The following IL1R1 variants were observed in gnomAD, a reference collection of about 807,000 sequenced individuals.
IL1R1 encodes interleukin 1 receptor type 1, also known as interleukin-1 receptor type 1.
In IL1R1, 22 loss-of-function variants were observed where a neutral mutation model predicts 50.2. The observed-to-expected ratio is 0.44, with a 90% CI of 0.31 to 0.63. The LOEUF is 0.63. Ranked by LOEUF, IL1R1 falls within the 20% of genes least tolerant of loss-of-function variation. IL1R1 has a pLI of 0.07. For synonymous variants in IL1R1, 251 were observed against 236.7 expected, an observed-to-expected ratio of 1.06 and a Z score of -0.55; for missense variants, 509 against 676.2, an observed-to-expected ratio of 0.75 and a Z score of 2.74.
intron 1 of IL1R1, among the ~76,000 whole-genome samples, chr2:102,075,118 T>C (rs981634618): frequency 1.3e-5 from 2 of 152,192 alleles, no homozygotes; most frequent in African/African-American, 4.8e-5. Context: ...CTTTAATCAG[T>C]TATGTGACAT....
intron 1 of IL1R1, among the ~76,000 whole-genome samples, chr2:102,085,057 T>C (rs536470123): frequency 1.3e-5 from 2 of 152,348 alleles, no homozygotes; most frequent in East Asian, 3.9e-4. Flanking sequence ...GTTCAACCTT[T>C]TGTTTGTATT....
At chr2:102,119,017 C>CAAAAA (rs56327525) in intron 1 of IL1R1, among the ~76,000 whole-genome samples, 34 of 74,036 alleles carry the variant, frequency 4.6e-4, no homozygotes, top group East Asian at 8.0e-4. Flanking sequence ...GACTGTGTCT[C>CAAAAA]AAAAAAAAAA....
At chr2:102,155,716 C>T (rs1684122895) in intron 2 of IL1R1, among the ~76,000 whole-genome samples, 1 of 152,182 alleles carries the variant, frequency 6.6e-6, no homozygotes, top group African/African-American at 2.4e-5. Context: ...CAGAAGTAAA[C>T]TTGGACCCAG....
At chr2:102,146,302 C>A (rs1683117129) in intron 1 of IL1R1, among the ~76,000 whole-genome samples, 1 of 152,062 alleles carries the variant, frequency 6.6e-6, no homozygotes, top group Non-Finnish European at 1.5e-5. Context: ...CCCCTTAATG[C>A]AAATATTTTA....
At position 102,179,106 on chromosome 2, in the gene IL1R1, C is replaced by A. The variant is rs917413765; in HGVS notation, c.*2347C>A. 2 of 152,284 alleles carry A rather than the reference C, an allele frequency of 1.3e-5. No homozygotes were observed. The highest frequency in any genetic ancestry group is 4.8e-5 in the African/African-American group (2 of 41,414). The allele number at this position is 152,284 out of a possible 1,614,324, so 9.4% of individuals were successfully genotyped here. On this transcript the variant is annotated 3_prime_UTR_variant, in exon 12 of 12. Transcript: ENST00000410023. ...TTGACACACAGACTACAGCCAGAAG[C>A]CCATGGAGCAGGGATGTCACGTCTT...
At chr2:102,167,622 G>C (rs1167026276) in intron 6 of IL1R1, among the ~76,000 whole-genome samples, 1 of 151,684 alleles carries the variant, frequency 6.6e-6, no homozygotes, top group East Asian at 1.9e-4. Flanking sequence ...TAATTTTTTT[G>C]TATTTTTAGT....
chr2:102,170,734 C>T (rs1685597818), intron 7 of IL1R1, among the ~76,000 whole-genome samples: 2 of 151,980 alleles, frequency 1.3e-5, no homozygotes, highest in Admixed American at 1.3e-4. Flanking sequence ...AAACCAAAAC[C>T]CTGAATATTA....
intron 3 of IL1R1, 30 bp downstream of exon 3, chr2:102,157,815 C>T: frequency 7.0e-7 from 1 of 1,428,988 alleles, no homozygotes; most frequent in South Asian, 1.2e-5. Flanking sequence ...GTGTTCTTGT[C>T]TGCTAAGAAA....
At chr2:102,114,821 G>A (rs1448704290) in intron 1 of IL1R1, among the ~76,000 whole-genome samples, 4 of 151,730 alleles carry the variant, frequency 2.6e-5, no homozygotes, top group African/African-American at 9.8e-5. Context: ...GGAAGTAGAG[G>A]CAGACCTTTA....
chr2:102,179,352 G>T lies in IL1R1; in HGVS notation c.*2593G>T, dbSNP rs1391186279. 3 of 152,310 alleles carry T rather than the reference G, an allele frequency of 2.0e-5. No individual in the cohort carries two copies. Among genetic ancestry groups the T allele is most frequent in the African/African-American group, 7.2e-5 (3 of 41,426 alleles). 9.4% of individuals were successfully genotyped at this position (152,310 alleles called of 1,614,324 possible). On this transcript the variant is annotated 3_prime_UTR_variant, in exon 12 of 12. Coordinates refer to ENST00000410023, the MANE Select transcript of IL1R1 (RefSeq NM_000877.4). ...GACAAGAATCAATGGATAAGCGTGG[G>T]TGGAGGAAGATCCAAACAGAAAAGT...
chr2:102,075,951 A>G (rs1258054970), intron 1 of IL1R1, among the ~76,000 whole-genome samples: 3 of 152,146 alleles, frequency 2.0e-5, no homozygotes, highest in Non-Finnish European at 4.4e-5. Flanking sequence ...TTACAGACTA[A>G]TTTCAAGTGA....
chr2:102,078,601 A>ACACAC (rs1159929134), intron 1 of IL1R1, among the ~76,000 whole-genome samples: 7,339 of 133,342 alleles, frequency 0.055, 382 homozygotes, highest in East Asian at 0.21. Context: ...CACACACACA[A>ACACAC]GAAAAAAAAA....
chr2:102,118,756 G>T (rs564532640), intron 1 of IL1R1, among the ~76,000 whole-genome samples: 1 of 152,068 alleles, frequency 6.6e-6, no homozygotes, highest in African/African-American at 2.4e-5. Flanking sequence ...GGTGGCTCAC[G>T]CCTGTAATCC....
chr2:102,157,134 A>G (rs922842098), intron 2 of IL1R1, among the ~76,000 whole-genome samples: 1 of 152,132 alleles, frequency 6.6e-6, no homozygotes, highest in Admixed American at 6.5e-5. Flanking sequence ...GAAAGCCCCG[A>G]CAAGGGGAAA....
intron 1 of IL1R1, among the ~76,000 whole-genome samples, chr2:102,106,651 A>G (rs770962767): frequency 8.5e-5 from 13 of 152,180 alleles, no homozygotes; most frequent in Non-Finnish European, 1.3e-4. Context: ...AAAACACACC[A>G]CTGTGAGGTA....
At chr2:102,099,896 T>G (rs1680066851), upstream of IL1R1, among the ~76,000 whole-genome samples, 1 of 152,186 alleles carries the variant, frequency 6.6e-6, no homozygotes, top group Non-Finnish European at 1.5e-5. Flanking sequence ...TGGCCTATGG[T>G]TCTATCTTAA....
chr2:102,094,712 T>C (rs871376), intron 1 of IL1R1, among the ~76,000 whole-genome samples: 41,614 of 152,102 alleles, frequency 0.27, 6,480 homozygotes, highest in African/African-American at 0.43. Context: ...GATAATTCAA[T>C]TTATGTGTGC....
At chr2:102,080,344 G>C (rs1371015954) in intron 1 of IL1R1, among the ~76,000 whole-genome samples, 11 of 152,168 alleles carry the variant, frequency 7.2e-5, no homozygotes, top group Non-Finnish European at 1.3e-4. Flanking sequence ...TAATGAACTT[G>C]TATCCATAAT....
At chr2:102,103,686 G>A (rs973610757), upstream of IL1R1, among the ~76,000 whole-genome samples, 2 of 152,184 alleles carry the variant, frequency 1.3e-5, no homozygotes, top group South Asian at 2.1e-4. Flanking sequence ...GAGCACAGGA[G>A]GAGCTATGAG....
Sources: allele counts gnomAD v4.1 joint callset (sites outside exome capture counted in the v4.1 genomes callset), GRCh38; gene constraint gnomAD v4.1.1; transcripts MANE v1.5; gene names NCBI Gene and HGNC (gene_info 2026-07-23, HGNC 2026-07-21).